Variants in AKAP12 observed in about 807,000 individuals in gnomAD.
AKAP12 encodes the protein A-kinase anchor protein 12.
AKAP12 carries 32 observed loss-of-function variants against 79.9 expected under a neutral mutation model. That is an observed-to-expected ratio of 0.40 (90% confidence interval 0.30 to 0.54). The LOEUF is 0.54. Ranked by LOEUF, AKAP12 falls within the 20% of genes least tolerant of loss-of-function variation. The pLI, the probability that AKAP12 is intolerant of heterozygous loss-of-function variation, is 0.48. For synonymous variants in AKAP12, 808 were observed against 857.0 expected, an observed-to-expected ratio of 0.94 and a Z score of 1.00; for missense variants, 2,074 against 2,177.0, an observed-to-expected ratio of 0.95 and a Z score of 0.94.
At chr6:151,252,722 CT>C (rs1243767449) in intron 2 of AKAP12, among the ~76,000 whole-genome samples, 1 of 141,524 alleles carries the variant, frequency 7.1e-6, no homozygotes, top group Non-Finnish European at 1.5e-5. Flanking sequence ...ACCAAGACCC[CT>C]GTCTCTGGGA....
chr6:151,324,231 T>C (rs1194511474), intron 3 of AKAP12: 2 of 985,276 alleles, frequency 2.0e-6, no homozygotes, highest in East Asian at 1.1e-4. Context: ...TTCCAGGCAA[T>C]ATCTCACTGA....
In AKAP12 at chr6:151,351,603, G is replaced by A; in HGVS notation, c.3212G>A (p.Arg1071Lys). 1.2e-6 allele frequency: 2 copies of A among 1,614,152 alleles called. No homozygotes were observed. The highest frequency in any genetic ancestry group is 1.7e-6 in the Non-Finnish European group (2 of 1,180,044). The change falls in exon 4 of 5, where the codon AGA (arginine) becomes AAA (lysine). Residue 1071 changes from arginine to lysine, a missense_variant. Coordinates refer to ENST00000402676, the MANE Select transcript of AKAP12 (RefSeq NM_005100.4). This position sits in a 1 kb window ranked among gnomAD's most constrained non-coding sequence, Gnocchi z 4.4. ...GAAGATGTGCTTCAGCCTGTGCAGA[G>A]AGCAGAGGCAGAAAGACCAGAAGAG... Reference protein sequence around the residue: ...GPEDVLQPVQRAEAERPEEQA... With the variant: ...GPEDVLQPVQKAEAERPEEQA...
At chr6:151,275,062 C>T (rs1257411898) in intron 2 of AKAP12, among the ~76,000 whole-genome samples, 1 of 152,084 alleles carries the variant, frequency 6.6e-6, no homozygotes, top group Non-Finnish European at 1.5e-5. Context: ...CGTGATCGCG[C>T]CACTGCACTT....
At chr6:151,286,008 G>C (rs1776498658) in intron 2 of AKAP12, among the ~76,000 whole-genome samples, 1 of 151,960 alleles carries the variant, frequency 6.6e-6, no homozygotes, top group Non-Finnish European at 1.5e-5. Flanking sequence ...CTCCCAAGTA[G>C]CTGAGATTAC....
chr6:151,294,417 T>A (rs1222908041), intron 2 of AKAP12, among the ~76,000 whole-genome samples: 6 of 152,220 alleles, frequency 3.9e-5, no homozygotes, highest in South Asian at 2.1e-4. Context: ...CTGTAATTAC[T>A]GTCCACAGTG....
chr6:151,281,109 T>C (rs751959961), intron 2 of AKAP12, among the ~76,000 whole-genome samples: 26 of 152,216 alleles, frequency 1.7e-4, no homozygotes, highest in Non-Finnish European at 3.1e-4. Flanking sequence ...ACATCTAGGC[T>C]TCATGCAAAG....
rs1554320026 is a variant in AKAP12, at chr6:151,259,511, T to TATAC, written c.162+18788_162+18789insTACA. 6.2e-4 allele frequency among the ~76,000 whole-genome samples: 63 copies of TATAC among 101,122 alleles called. 2 individuals carry two copies. The East Asian group carries it at 0.011, about 17-fold the overall frequency. 66.3% of individuals were successfully genotyped at this position (101,122 alleles called of 152,430 possible). A position where few individuals can be genotyped will look rare whatever the true frequency, so the allele number is the denominator to read the frequency against. On this transcript the variant is annotated intron_variant, in intron 2 of 4. Transcript: ENST00000402676. ...ACACACATATACATGTATATATATA[T>TATAC]ACACACACACACACACACACACACA...
intron 3 of AKAP12, among the ~76,000 whole-genome samples, chr6:151,332,041 T>TTTTTG (rs1777689676): frequency 7.1e-6 from 1 of 140,368 alleles, no homozygotes; most frequent in African/African-American, 2.7e-5. Context: ...CTGTTTTTTT[T>TTTTTG]TTTTTTTTTT....
At chr6:151,271,621 C>T (rs1776185411) in intron 2 of AKAP12, among the ~76,000 whole-genome samples, 1 of 151,934 alleles carries the variant, frequency 6.6e-6, no homozygotes, top group Admixed American at 6.6e-5. Context: ...TACACGCCCC[C>T]AGCCCACAAC....
At chr6:151,271,948 C>T (rs1776192446) in intron 2 of AKAP12, among the ~76,000 whole-genome samples, 1 of 152,188 alleles carries the variant, frequency 6.6e-6, no homozygotes, top group South Asian at 2.1e-4. Context: ...GCGTGAGCCA[C>T]CACACCCAGC....
chr6:151,320,179 A>G (rs1295010928), intron 3 of AKAP12, among the ~76,000 whole-genome samples: 1 of 152,152 alleles, frequency 6.6e-6, no homozygotes, highest in Non-Finnish European at 1.5e-5. Context: ...CAGGAAAAAT[A>G]GAGGAAAGTA....
intron 2 of AKAP12, among the ~76,000 whole-genome samples, chr6:151,245,647 A>G (rs1331132747): frequency 9.1e-6 from 1 of 110,106 alleles, no homozygotes; most frequent in East Asian, 2.5e-4. Context: ...ACAGAGAGAG[A>G]CTCCGTCTCA....
At chr6:151,315,995 C>T (rs1419435531) in intron 3 of AKAP12, among the ~76,000 whole-genome samples, 3 of 152,154 alleles carry the variant, frequency 2.0e-5, no homozygotes, top group Non-Finnish European at 4.4e-5. Flanking sequence ...CACTGAGTTC[C>T]TCCCATTAAA....
chr6:151,344,026 C>A, intron 3 of AKAP12: 1 of 398,600 alleles, frequency 2.5e-6, no homozygotes, highest in Non-Finnish European at 4.8e-6. Context: ...ATATTTGCTT[C>A]AAAGTTTAAT....
chr6:151,314,184 C>T (rs1001341243), intron 3 of AKAP12, among the ~76,000 whole-genome samples: 3 of 151,954 alleles, frequency 2.0e-5, no homozygotes, highest in Admixed American at 2.0e-4. Context: ...TGCACCACCA[C>T]GCCCAGCTAA....
intron 3 of AKAP12, among the ~76,000 whole-genome samples, chr6:151,311,078 C>G (rs1233682279): frequency 8.5e-5 from 13 of 152,166 alleles, no homozygotes; most frequent in Admixed American, 8.5e-4. Context: ...TGTGATCCTC[C>G]TGGCTCAGCC....
At chr6:151,267,014 CAAAAAAAA>C (rs34974747) in intron 2 of AKAP12, among the ~76,000 whole-genome samples, 2 of 35,344 alleles carry the variant, frequency 5.7e-5, no homozygotes, top group Admixed American at 4.5e-4. Context: ...GACTCCATCT[CAAAAAAAA>C]AAAAAAAAAA....
At chr6:151,282,266 C>T (rs186461789) in intron 2 of AKAP12, among the ~76,000 whole-genome samples, 127 of 152,114 alleles carry the variant, frequency 8.3e-4, no homozygotes, top group Non-Finnish European at 6.9e-4. Context: ...CGTGCCACCA[C>T]GCCCAGCTAA....
intron 3 of AKAP12, among the ~76,000 whole-genome samples, chr6:151,345,157 C>G (rs1208667886): frequency 2.0e-5 from 3 of 151,958 alleles, no homozygotes; most frequent in Non-Finnish European, 2.9e-5. Flanking sequence ...CTCACTGCAA[C>G]CTCCACCTCC....
Sources: allele counts gnomAD v4.1 joint callset (sites outside exome capture counted in the v4.1 genomes callset), GRCh38; gene constraint gnomAD v4.1.1; non-coding constraint Gnocchi (gnomAD v3.1); transcripts MANE v1.5; gene names NCBI Gene and HGNC (gene_info 2026-07-23, HGNC 2026-07-21).